The following ZBTB20 variants were observed in gnomAD, a reference collection of about 807,000 sequenced individuals.
The protein encoded by ZBTB20 is zinc finger and BTB domain-containing protein 20.
ZBTB20 carries 9 observed loss-of-function variants against 56.9 expected under a neutral mutation model. The ratio of observed to expected loss-of-function variants is 0.16; its 90% CI spans 0.10 to 0.28. The LOEUF (loss-of-function observed/expected upper bound fraction) is 0.28. Among genes scored for constraint, ZBTB20 ranks in the 10% least tolerant of loss-of-function variants. The pLI is 1.00. For synonymous variants in ZBTB20, 417 were observed against 420.7 expected (o/e 0.99, Z 0.11); for missense variants, 655 against 1,003.0 (o/e 0.65, Z 4.69).
At chr3:114,544,439 TTCTTTCTTTCTTTCTTTCTTTCTTTC>T (rs2049538386) in intron 6 of ZBTB20, among the ~76,000 whole-genome samples, 1 of 103,288 alleles carries the variant, frequency 9.7e-6, no homozygotes, top group African/African-American at 3.9e-5. Flanking sequence ...CTTTCTTTCT[TTCTTTCTTTCTTTCTTTCTTTCTTTC>T]TTTCTTTCTT....
At chr3:114,846,643 A>C (rs1363280510) in intron 4 of ZBTB20, among the ~76,000 whole-genome samples, 1 of 152,250 alleles carries the variant, frequency 6.6e-6, no homozygotes, top group Non-Finnish European at 1.5e-5. Flanking sequence ...TAGAGAATAC[A>C]AATTCATTAT....
chr3:115,011,702 A>C (rs1488581262), intron 2 of ZBTB20, among the ~76,000 whole-genome samples: 1 of 151,878 alleles, frequency 6.6e-6, no homozygotes, highest in Non-Finnish European at 1.5e-5. Context: ...TGAGCAATAA[A>C]AAAATCATCT....
At chr3:114,665,277 T>C (rs2108115749) in intron 6 of ZBTB20, among the ~76,000 whole-genome samples, 1 of 152,186 alleles carries the variant, frequency 6.6e-6, no homozygotes, top group South Asian at 2.1e-4. Context: ...CAGTATTCAG[T>C]TCAGTAACAT....
At chr3:114,915,849 T>C (rs888198352) in intron 3 of ZBTB20, among the ~76,000 whole-genome samples, 1 of 152,110 alleles carries the variant, frequency 6.6e-6, no homozygotes, top group African/African-American at 2.4e-5. Flanking sequence ...CTGTTTAATT[T>C]CCATGTGTCT....
intron 8 of ZBTB20, among the ~76,000 whole-genome samples, chr3:114,386,759 G>C (rs1211277795): frequency 6.6e-6 from 1 of 152,034 alleles, no homozygotes; most frequent in Non-Finnish European, 1.5e-5. Flanking sequence ...ATGGTTCTGG[G>C]GTTTTTTTGG....
chr3:114,854,087 C>A (rs2075131288), intron 4 of ZBTB20, among the ~76,000 whole-genome samples: 1 of 152,096 alleles, frequency 6.6e-6, no homozygotes, highest in Non-Finnish European at 1.5e-5. Flanking sequence ...TAAGTTCTTT[C>A]TGTTACTTAT....
intron 5 of ZBTB20, among the ~76,000 whole-genome samples, chr3:114,739,464 G>T (rs1002536066): frequency 1.3e-5 from 2 of 152,184 alleles, no homozygotes; most frequent in Non-Finnish European, 2.9e-5. Flanking sequence ...ACAGGGCCCT[G>T]TTTAAGCCAG....
At chr3:114,787,386 CACACACAT>C (rs2070620877) in intron 5 of ZBTB20, among the ~76,000 whole-genome samples, 7 of 145,438 alleles carry the variant, frequency 4.8e-5, no homozygotes, top group Non-Finnish European at 3.0e-5. Context: ...CACACACACA[CACACACAT>C]ATATATACAT....
At chr3:114,933,548 G>C (rs1235573363) in intron 3 of ZBTB20, among the ~76,000 whole-genome samples, 1 of 152,236 alleles carries the variant, frequency 6.6e-6, no homozygotes, top group Non-Finnish European at 1.5e-5. Context: ...CAGGCAGACA[G>C]TCACAGTATC....
intron 4 of ZBTB20, among the ~76,000 whole-genome samples, chr3:114,882,806 A>G (rs2107594120): frequency 6.6e-6 from 1 of 152,252 alleles, no homozygotes; most frequent in African/African-American, 2.4e-5. Context: ...GAATAGTGCT[A>G]TCAGTCGGTA....
chr3:114,763,342 A>T (rs1170457865), intron 5 of ZBTB20, among the ~76,000 whole-genome samples: 1 of 152,158 alleles, frequency 6.6e-6, no homozygotes, highest in Non-Finnish European at 1.5e-5. Context: ...GAAGTCCAAG[A>T]TTGTATCAGC....
chr3:115,118,658 A>C (rs1194430800), intron 1 of ZBTB20, among the ~76,000 whole-genome samples: 1 of 151,604 alleles, frequency 6.6e-6, no homozygotes, highest in Non-Finnish European at 1.5e-5. Flanking sequence ...ATATTCACAT[A>C]AATATCACTA....
At chr3:115,128,702 G>A (rs1220303581) in intron 1 of ZBTB20, among the ~76,000 whole-genome samples, 1 of 140,184 alleles carries the variant, frequency 7.1e-6, no homozygotes, top group Non-Finnish European at 1.6e-5. Flanking sequence ...AAGGGAAGGG[G>A]AGGGCAGTGG....
intron 5 of ZBTB20, among the ~76,000 whole-genome samples, chr3:114,738,720 T>C (rs1010395509): frequency 6.6e-6 from 1 of 152,176 alleles, no homozygotes; most frequent in Non-Finnish European, 1.5e-5. Flanking sequence ...CGATAAATCC[T>C]ATAGTGTCAA....
At chr3:114,659,514 T>C (rs2060600364) in intron 6 of ZBTB20, among the ~76,000 whole-genome samples, 1 of 152,168 alleles carries the variant, frequency 6.6e-6, no homozygotes, top group African/African-American at 2.4e-5. Flanking sequence ...CTAAGTAATC[T>C]ATGAGAAAAG....
intron 7 of ZBTB20, among the ~76,000 whole-genome samples, chr3:114,477,738 G>A (rs994446638): frequency 6.6e-6 from 1 of 151,628 alleles, no homozygotes; most frequent in African/African-American, 2.4e-5. Flanking sequence ...CAGGTGATCC[G>A]CCTGCCTCAG....
rs992267063 is a variant in ZBTB20 at position 114,478,229 on chromosome 3, G to C, written c.-255+22123C>G. 3.9e-5 allele frequency among the ~76,000 whole-genome samples: 6 copies of C among 152,262 alleles called. No individual in the cohort carries two copies. In the Middle Eastern group the frequency reaches 0.01, roughly 259 times the overall value. On this transcript the variant is annotated intron_variant, in intron 7 of 11. Coordinates refer to ENST00000675478, the MANE Select transcript of ZBTB20 (RefSeq NM_001348800.3). ...GATCCGCCTGCCTCGGCCTCCCAAA[G>C]TGCTGGGATTACAGGCGTGAGCCAC...
intron 2 of ZBTB20, among the ~76,000 whole-genome samples, chr3:114,981,666 G>A (rs1177852643): frequency 6.6e-6 from 1 of 151,976 alleles, no homozygotes; most frequent in Non-Finnish European, 1.5e-5. Flanking sequence ...TAGGAGGTAG[G>A]TAATATCATC....
chr3:114,534,208 C>G (rs2048189303), intron 6 of ZBTB20, among the ~76,000 whole-genome samples: 1 of 151,984 alleles, frequency 6.6e-6, no homozygotes, highest in Non-Finnish European at 1.5e-5. Context: ...TGGATAGAGT[C>G]AAGACCCATC....
Sources: allele counts gnomAD v4.1 joint callset (sites outside exome capture counted in the v4.1 genomes callset), GRCh38; gene constraint gnomAD v4.1.1; transcripts MANE v1.5; gene names NCBI Gene and HGNC (gene_info 2026-07-23, HGNC 2026-07-21).